Variants in WDR1 observed in about 807,000 individuals in gnomAD.
WDR1 encodes the protein WD repeat-containing protein 1.
Under a neutral mutation model 71.9 loss-of-function variants are expected in WDR1, and 21 were observed. The ratio of observed to expected loss-of-function variants is 0.29; its 90% CI spans 0.21 to 0.42. The LOEUF (loss-of-function observed/expected upper bound fraction) is 0.42. Ranked by LOEUF, WDR1 falls within the 10% of genes least tolerant of loss-of-function variation. WDR1 has a pLI of 1.00. For missense variants in WDR1, 696 were observed against 824.5 expected (o/e 0.84, Z 1.91); for synonymous variants, 424 against 347.4 (o/e 1.22, Z -2.45).
chr4:10,107,327 C>T (rs1001545325), intron 2 of WDR1, among the ~76,000 whole-genome samples: 5 of 152,226 alleles, frequency 3.3e-5, no homozygotes, highest in Admixed American at 2.0e-4. Flanking sequence ...TCTCTTTTAC[C>T]TCCACCATTT....
intron 3 of WDR1, 31 bp from the exon 4 acceptor site, chr4:10,099,170 G>GGA: frequency 2.5e-6 from 2 of 802,002 alleles, no homozygotes; most frequent in Non-Finnish European, 3.9e-6. Flanking sequence ...GGGAGGGGGG[G>GGA]AGGCGGTGGT....
intron 9 of WDR1, among the ~76,000 whole-genome samples, chr4:10,084,085 A>C (rs1765114272): frequency 1.3e-5 from 2 of 152,234 alleles, no homozygotes; most frequent in Non-Finnish European, 2.9e-5. Flanking sequence ...GAAACCCACC[A>C]TGTGGAGTAG....
chr4:10,110,809 G>A (rs1464635277), intron 2 of WDR1, among the ~76,000 whole-genome samples: 2 of 152,196 alleles, frequency 1.3e-5, no homozygotes, highest in East Asian at 1.9e-4. Flanking sequence ...GTACCTTGTC[G>A]GATGTTTGGC....
At chr4:10,098,162 G>A (rs1397043251) in intron 4 of WDR1, among the ~76,000 whole-genome samples, 2 of 152,166 alleles carry the variant, frequency 1.3e-5, no homozygotes, top group African/African-American at 4.8e-5. Context: ...CACGCCACAG[G>A]GCCCAGGGCT....
Position 10,101,258 on chromosome 4 carries a change from C to T in WDR1, c.230-2119G>A, listed in dbSNP as rs534036413. On this transcript the variant is annotated intron_variant, in intron 3 of 14. Transcript: ENST00000499869. Reference sequence around the variant, plus strand: ...TGCCGGAGGCTCCCAGGTGCGCAGCCCTTCCCAAGGTTCAACACTTCAGCA... The same window carrying T: ...TGCCGGAGGCTCCCAGGTGCGCAGCTCTTCCCAAGGTTCAACACTTCAGCA... Among the ~76,000 whole-genome samples the T allele has an allele frequency of 2.0e-5, 3 of 152,366 alleles. No individual in the cohort carries two copies. The East Asian group carries it at 5.8e-4, about 29-fold the overall frequency.
At chr4:10,075,824 G>A (rs529967211) in intron 14 of WDR1, 27 of 379,732 alleles carry the variant, frequency 7.1e-5, no homozygotes, top group African/African-American at 3.7e-4. Flanking sequence ...GTATAAAAGC[G>A]ATGACATGCA....
intron 4 of WDR1, among the ~76,000 whole-genome samples, chr4:10,098,687 T>C (rs1712507676): frequency 6.6e-6 from 1 of 152,228 alleles, no homozygotes; most frequent in African/African-American, 2.4e-5. Context: ...CTGTTGCTCT[T>C]TCACTCTGTC....
intron 7 of WDR1, 30 bp downstream of exon 7, chr4:10,088,263 C>T (rs1468160648): frequency 1.4e-5 from 22 of 1,548,274 alleles, no homozygotes; most frequent in Non-Finnish European, 8.7e-6. Context: ...AAATTCCCAC[C>T]ACTAGGCCGG....
chr4:10,116,321 G>C (rs749982323), intron 1 of WDR1, 87 bp from the exon 2 acceptor site: 1 of 1,579,128 alleles, frequency 6.3e-7, no homozygotes, highest in African/African-American at 1.4e-5. Context: ...GACCGGTCTC[G>C]GCCGGTCACC....
chr4:10,077,810 G>A lies in WDR1; in HGVS notation c.1512C>T (p.Leu504=), dbSNP rs780251832. The A allele has an allele frequency of 1.2e-5, 19 of 1,606,336 alleles. No homozygotes were observed. The highest frequency in any genetic ancestry group is 5.3e-5 in the African/African-American group (4 of 74,810). The change falls in exon 13 of 15, where the codon CTC becomes CTT. Residue 504 remains leucine (L), a synonymous_variant. Transcript: ENST00000499869. The stretch of plus-strand genomic sequence containing the variant: ...CCACCTTGCTGGCGTCGCACACCGC[G>A]AGGAAGGCGCCGTCGTGGGAGTAGG... ...DVAYSHDGAF[L]AVCDASKVVT...
At chr4:10,102,056 G>A (rs1311101501) in intron 3 of WDR1, among the ~76,000 whole-genome samples, 4 of 152,116 alleles carry the variant, frequency 2.6e-5, no homozygotes, top group Admixed American at 6.5e-5. Context: ...ACCCTTCACC[G>A]TGACCTCAGC....
chr4:10,099,349 T>A (rs1209610038), intron 3 of WDR1, among the ~76,000 whole-genome samples: 1 of 152,226 alleles, frequency 6.6e-6, no homozygotes, highest in Non-Finnish European at 1.5e-5. Flanking sequence ...TCAGAGCCCG[T>A]GGCATCCAGA....
chr4:10,076,099 C>G lies in WDR1; in HGVS notation c.1715-615G>C, dbSNP rs373375977. ...GCCCAGGGAGGCTCCCAGCTGCAGG[C>G]AAGGGGGTTCCCACCAGCTCTCTGC... On this transcript the variant is annotated intron_variant, in intron 14 of 14. Coordinates refer to ENST00000499869, the MANE Select transcript of WDR1 (RefSeq NM_017491.5). 8.5e-5 allele frequency: 13 copies of G among 153,060 alleles called. No homozygotes were observed. The East Asian group carries it at 1.2e-3, about 14-fold the overall frequency. 9.5% of individuals were successfully genotyped at this position (153,060 alleles called of 1,614,324 possible). A position where few individuals can be genotyped will look rare whatever the true frequency, so the allele number is the denominator to read the frequency against.
rs559791549 is a variant in WDR1, at chr4:10,116,767, G to A, written c.-101C>T. The A allele has an allele frequency of 3.8e-5, 47 of 1,226,996 alleles. No individual in the cohort carries two copies. The East Asian group carries it at 1.2e-3, about 31-fold the overall frequency. The allele number at this position is 1,226,996 out of a possible 1,614,324, so 76.0% of individuals were successfully genotyped here. The stretch of plus-strand genomic sequence containing the variant: ...GAGGCCGAGCCCGGGGACTGGAGCC[G>A]GAAGGCGGCACCGGGCGTGCCGGGA... On this transcript the variant is annotated 5_prime_UTR_variant, in exon 1 of 15. Coordinates refer to ENST00000499869, the MANE Select transcript of WDR1 (RefSeq NM_017491.5).
chr4:10,088,394 G>A, intron 6 of WDR1, 21 bp from the exon 7 acceptor site: 3 of 1,550,060 alleles, frequency 1.9e-6, no homozygotes, highest in Non-Finnish European at 2.6e-6. Flanking sequence ...ATAAAAACAT[G>A]TGGGTCATGT....
chr4:10,092,646 C>T, intron 5 of WDR1: 1 of 251,032 alleles, frequency 4.0e-6, no homozygotes, highest in Non-Finnish European at 8.0e-6. Context: ...AGTCCAAATG[C>T]AGACACTGAT....
At chr4:10,114,080 T>C (rs962112147) in intron 2 of WDR1, among the ~76,000 whole-genome samples, 2 of 152,138 alleles carry the variant, frequency 1.3e-5, no homozygotes, top group African/African-American at 4.8e-5. Context: ...AAAAAAATCG[T>C]ACCCACCTTT....
At chr4:10,093,244 G>A (rs554776741) in intron 5 of WDR1, 2 of 914,720 alleles carry the variant, frequency 2.2e-6, no homozygotes, top group South Asian at 2.9e-5. Context: ...TACACAAGAG[G>A]ACCACAAGCC....
At chr4:10,083,689 G>A (rs909013416) in intron 9 of WDR1, 3 of 462,180 alleles carry the variant, frequency 6.5e-6, no homozygotes, top group Non-Finnish European at 1.3e-5. Flanking sequence ...CACAGCAGGT[G>A]CCATCATCAG....
Sources: allele counts gnomAD v4.1 joint callset (sites outside exome capture counted in the v4.1 genomes callset), GRCh38; gene constraint gnomAD v4.1.1; transcripts MANE v1.5; gene names NCBI Gene and HGNC (gene_info 2026-07-23, HGNC 2026-07-21).